The following PSMD1 variants were observed in gnomAD, a reference collection of about 807,000 sequenced individuals.
PSMD1 encodes proteasome 26S subunit, non-ATPase 1, also known as 26S proteasome non-ATPase regulatory subunit 1.
In PSMD1, 18 loss-of-function variants were observed where a neutral mutation model predicts 119.0. The ratio of observed to expected loss-of-function variants is 0.15; its 90% CI spans 0.10 to 0.22. The LOEUF (loss-of-function observed/expected upper bound fraction) is 0.22, where lower values mean the gene tolerates loss of function less well. PSMD1 is among the 10% of genes least tolerant of loss of function. PSMD1 has a pLI of 1.00. For synonymous variants in PSMD1, 374 were observed against 396.6 expected, an observed-to-expected ratio of 0.94 and a Z score of 0.68; for missense variants, 702 against 1,158.5, an observed-to-expected ratio of 0.61 and a Z score of 5.72.
intron 16 of PSMD1, among the ~76,000 whole-genome samples, chr2:231,132,602 C>G (rs889893968): frequency 6.6e-6 from 1 of 152,036 alleles, no homozygotes; most frequent in East Asian, 1.9e-4. Flanking sequence ...CTCTACCACT[C>G]CACCGACTCT....
At chr2:231,157,457 T>G (rs1014616632) in intron 19 of PSMD1, among the ~76,000 whole-genome samples, 36 of 151,120 alleles carry the variant, frequency 2.4e-4, no homozygotes, top group Admixed American at 1.8e-3. Context: ...TATCTTCTTT[T>G]TTTGTTTGGG....
intron 7 of PSMD1, among the ~76,000 whole-genome samples, chr2:231,073,935 A>G (rs1186901233): frequency 6.6e-6 from 1 of 151,886 alleles, no homozygotes; most frequent in African/African-American, 2.4e-5. Flanking sequence ...AATTCTGTTT[A>G]TTGGCATCTT....
chr2:231,110,672 C>T (rs1426207798), intron 16 of PSMD1, among the ~76,000 whole-genome samples: 1 of 152,222 alleles, frequency 6.6e-6, no homozygotes, highest in African/African-American at 2.4e-5. Context: ...TCCTCATGTA[C>T]ACCACCAGAA....
intron 16 of PSMD1, chr2:231,113,895 A>T (rs369297659): frequency 6.2e-7 from 1 of 1,614,068 alleles, no homozygotes; most frequent in African/African-American, 1.3e-5. Flanking sequence ...ATAACCAGGC[A>T]GGACATAGAA....
chr2:231,123,673 C>T (rs1301918565), intron 16 of PSMD1: 9 of 1,613,846 alleles, frequency 5.6e-6, no homozygotes, highest in Non-Finnish European at 6.8e-6. Context: ...TAATCCAGAC[C>T]AGTTAGAAGA....
At chr2:231,074,255 G>C (rs1190846380) in intron 7 of PSMD1, among the ~76,000 whole-genome samples, 1 of 151,928 alleles carries the variant, frequency 6.6e-6, no homozygotes, top group Non-Finnish European at 1.5e-5. Flanking sequence ...ACAGGCGCAG[G>C]CTATCATGCC....
intron 16 of PSMD1, among the ~76,000 whole-genome samples, chr2:231,123,086 A>C (rs1306066928): frequency 1.3e-5 from 2 of 152,202 alleles, no homozygotes; most frequent in Non-Finnish European, 2.9e-5. Flanking sequence ...CAGTGTAGAA[A>C]AGTTAAAGTA....
intron 16 of PSMD1, among the ~76,000 whole-genome samples, chr2:231,130,909 T>C (rs565535108): frequency 6.6e-6 from 1 of 152,324 alleles, no homozygotes; most frequent in African/African-American, 2.4e-5. Context: ...AGAAGGCAAA[T>C]GTTTATACTG....
Position 231,062,651 on chromosome 2 carries a change from T to G in PSMD1, c.280T>G (p.Ser94Ala). 6.2e-7 allele frequency: 1 copy of G among 1,608,902 alleles called. No individual in the cohort carries two copies. The highest frequency in any genetic ancestry group is 2.2e-5 in the East Asian group (1 of 44,848). The stretch of plus-strand genomic sequence containing the variant: ...GGACCTCTTCAATGTCAATGATAAC[T>G]CTGAATATGTGGAAACTATTATAGG... ...AGDLFNVNDN[S>A]EYVETIIAKC... Residue 94 changes from serine to alanine, a missense_variant, in exon 4 of 25, where the codon TCT (serine) becomes GCT (alanine). Around this residue, in one of 9 missense-constraint regions of PSMD1, gnomAD observed 60 missense variants for 118.2 expected, o/e 0.51. Coordinates refer to ENST00000308696, the MANE Select transcript of PSMD1 (RefSeq NM_002807.4).
intron 9 of PSMD1, 92 bp from the exon 10 acceptor site, chr2:231,078,567 A>T: frequency 1.2e-6 from 1 of 805,694 alleles, no homozygotes; most frequent in Non-Finnish European, 1.8e-6. Context: ...TCATGCTTTT[A>T]CCACAAAATA....
chr2:231,105,938 A>C (rs1161745398), intron 16 of PSMD1, among the ~76,000 whole-genome samples: 2 of 125,494 alleles, frequency 1.6e-5, no homozygotes, highest in Non-Finnish European at 3.5e-5. Flanking sequence ...ACTTTTCCTT[A>C]CTTTTTGTCA....
At chr2:231,109,526 G>T in intron 16 of PSMD1, 1 of 870,872 alleles carries the variant, frequency 1.1e-6, no homozygotes, top group East Asian at 2.6e-5. Flanking sequence ...ATAATTCCTG[G>T]GACCCACAAT....
intron 12 of PSMD1, 31 bp from the exon 13 acceptor site, chr2:231,082,852 C>A: frequency 1.3e-6 from 2 of 1,515,626 alleles, no homozygotes; most frequent in South Asian, 1.1e-5. Context: ...TACAGTGTAC[C>A]AAATCAATGG....
intron 18 of PSMD1, among the ~76,000 whole-genome samples, chr2:231,149,726 A>G (rs571025564): frequency 1.3e-5 from 2 of 152,354 alleles, no homozygotes; most frequent in East Asian, 3.9e-4. Flanking sequence ...ACACATTTGT[A>G]AGTAGTAGTC....
chr2:231,131,575 A>G lies in PSMD1; in HGVS notation c.1884-7161A>G. Reference sequence around the variant, plus strand: ...CAGGAGATCGAGACCATCCCGGCTAAAACGGTGAAACCCCGTCTCTACTAA... The same window carrying G: ...CAGGAGATCGAGACCATCCCGGCTAGAACGGTGAAACCCCGTCTCTACTAA... On this transcript the variant is annotated intron_variant, in intron 16 of 24. Transcript: ENST00000308696. Among the ~76,000 whole-genome samples, 2 of 57,266 alleles carry G rather than the reference A, an allele frequency of 3.5e-5. 1 individual carries two copies. The highest frequency in any genetic ancestry group is 5.5e-5 in the Non-Finnish European group (2 of 36,622). The allele number at this position is 57,266 out of a possible 152,430, so 37.6% of individuals were successfully genotyped here.
At position 231,170,443 on chromosome 2, in the gene PSMD1, T is replaced by G; in HGVS notation, c.2716-123T>G. The G allele has an allele frequency of 9.5e-7, 1 of 1,057,398 alleles. No homozygotes were observed. Among genetic ancestry groups the G allele is most frequent in the East Asian group, 2.6e-5 (1 of 38,254 alleles). The allele number at this position is 1,057,398 out of a possible 1,614,324, so 65.5% of individuals were successfully genotyped here. On this transcript the variant is annotated intron_variant, in intron 23 of 24. Transcript: ENST00000308696. This position sits in a 1 kb window ranked among gnomAD's most constrained non-coding sequence, Gnocchi z 4.1. ...TATCTTTATCCCAGTAAAGTTCTAC[T>G]CCAGTTTTTCACTTCCAAATCATTT...
chr2:231,094,250 A>G (rs1694671656), intron 16 of PSMD1, among the ~76,000 whole-genome samples: 1 of 152,052 alleles, frequency 6.6e-6, no homozygotes, highest in Non-Finnish European at 1.5e-5. Context: ...GTGAGTTTAA[A>G]TTGTTTAGTT....
intron 19 of PSMD1, among the ~76,000 whole-genome samples, chr2:231,155,036 A>G (rs539318719): frequency 1.3e-5 from 2 of 152,352 alleles, no homozygotes; most frequent in African/African-American, 2.4e-5. Context: ...TTCATTTGAC[A>G]TATGCCTTAA....
At chr2:231,073,151 AT>A (rs1694080047) in intron 7 of PSMD1, among the ~76,000 whole-genome samples, 1 of 152,218 alleles carries the variant, frequency 6.6e-6, no homozygotes, top group South Asian at 2.1e-4. Context: ...GAACACACAC[AT>A]TTATTGATTG....
Sources: gnomAD v4.1 joint callset for allele counts (sites outside exome capture counted in the v4.1 genomes callset) on GRCh38, gnomAD v4.1.1 for gene constraint, gnomAD v4.1.1 regional missense constraint, Gnocchi (gnomAD v3.1) non-coding constraint, MANE v1.5 for transcripts, NCBI Gene and HGNC (gene_info 2026-07-23, HGNC 2026-07-21) for gene names.